The following FRMPD1 variants were observed in gnomAD, a reference collection of about 807,000 sequenced individuals.
The protein encoded by FRMPD1 is FERM and PDZ domain containing 1.
A neutral mutation model predicts 117.8 loss-of-function variants in FRMPD1; 76 were observed. The observed-to-expected ratio is 0.65, with a 90% confidence interval of 0.54 to 0.78. The LOEUF (loss-of-function observed/expected upper bound fraction) is 0.78, where lower values mean the gene tolerates loss of function less well. Among genes scored for constraint, FRMPD1 ranks in the 30% least tolerant of loss-of-function variants. The pLI is 0.00. For synonymous variants in FRMPD1, 783 were observed against 770.4 expected (o/e 1.02, Z -0.27); for missense variants, 1,786 against 1,964.5 (o/e 0.91, Z 1.72).
intron 5 of FRMPD1, among the ~76,000 whole-genome samples, chr9:37,713,069 A>G (rs1366290962): frequency 6.6e-6 from 1 of 151,968 alleles, no homozygotes; most frequent in Non-Finnish European, 1.5e-5. Flanking sequence ...CAGTTATTAT[A>G]TTAATATATA....
intron 7 of FRMPD1, among the ~76,000 whole-genome samples, chr9:37,725,254 A>G (rs749781990): frequency 6.6e-6 from 1 of 152,198 alleles, no homozygotes; most frequent in African/African-American, 2.4e-5. Flanking sequence ...ACAAGGGAGT[A>G]AATAGTGTTA....
intron 1 of FRMPD1, among the ~76,000 whole-genome samples, chr9:37,681,888 A>C (rs527771473): frequency 6.6e-6 from 1 of 152,234 alleles, no homozygotes; most frequent in Non-Finnish European, 1.5e-5. Context: ...ACGAAGTTAG[A>C]AAACACAAGA....
At chr9:37,702,737 TAGG>T (rs1436985901) in intron 2 of FRMPD1, among the ~76,000 whole-genome samples, 4 of 152,144 alleles carry the variant, frequency 2.6e-5, no homozygotes, top group African/African-American at 9.7e-5. Context: ...GGGGAATTAT[TAGG>T]AGGAGAATAA....
At chr9:37,618,011 G>T in the FRMPD1 span, among the ~76,000 whole-genome samples, 1 of 152,170 alleles carries the variant, frequency 6.6e-6, no homozygotes, top group Non-Finnish European at 1.5e-5. Flanking sequence ...AAAGGGTGGG[G>T]CAGCCCCAGC....
At chr9:37,643,463 G>A in the FRMPD1 span, among the ~76,000 whole-genome samples, 3 of 151,922 alleles carry the variant, frequency 2.0e-5, no homozygotes, top group Admixed American at 2.0e-4. Flanking sequence ...GTTTTCAGTG[G>A]TGTTCATTAC....
intron 3 of FRMPD1, among the ~76,000 whole-genome samples, 160 bp from the exon 4 acceptor site, chr9:37,708,239 G>C (rs1822782254): frequency 6.6e-6 from 1 of 152,150 alleles, no homozygotes; most frequent in African/African-American, 2.4e-5. Context: ...TTATAAACAG[G>C]AAAATTAAGA....
At chr9:37,690,852 A>C (rs982488444) in intron 1 of FRMPD1, among the ~76,000 whole-genome samples, 10 of 152,304 alleles carry the variant, frequency 6.6e-5, no homozygotes, top group African/African-American at 2.2e-4. Flanking sequence ...GTATCATCCC[A>C]TGGAAGAAGG....
At chr9:37,717,164 T>A (rs956340443) in intron 5 of FRMPD1, among the ~76,000 whole-genome samples, 22 of 152,140 alleles carry the variant, frequency 1.4e-4, no homozygotes, top group African/African-American at 5.1e-4. Context: ...GGTCTACCAA[T>A]ATGGACTTCT....
the FRMPD1 span, among the ~76,000 whole-genome samples, chr9:37,642,494 T>A: frequency 2.0e-5 from 3 of 152,202 alleles, no homozygotes; most frequent in Non-Finnish European, 2.9e-5. Flanking sequence ...TGGCCTTGGT[T>A]TTCTCATTTA....
intron 1 of FRMPD1, among the ~76,000 whole-genome samples, chr9:37,684,141 G>A (rs1293754247): frequency 2.6e-5 from 4 of 152,232 alleles, no homozygotes; most frequent in African/African-American, 7.2e-5. Context: ...GGGTAGGCAG[G>A]GCCAGATCAC....
Position 37,740,587 on chromosome 9 carries a change from C to T in FRMPD1, c.2059C>T (p.Pro687Ser). 1 of 1,614,190 alleles carries T rather than the reference C, an allele frequency of 6.2e-7. No homozygotes were observed. The highest frequency in any genetic ancestry group is 8.5e-7 in the Non-Finnish European group (1 of 1,180,036). The change falls in exon 15 of 16, where the codon CCA becomes TCA. Residue 687 changes from proline to serine, a missense_variant. Physicochemically the swap from Pro to Ser is moderately conservative, Grantham distance 74. Coordinates refer to ENST00000377765, the MANE Select transcript of FRMPD1 (RefSeq NM_014907.3). This position sits in a 1 kb window ranked among gnomAD's most constrained non-coding sequence, Gnocchi z 4.2. Reference protein sequence around the residue: ...SAALETFGWAPELSTVRLDPR... With the variant: ...SAALETFGWASELSTVRLDPR... ...TGCTTTGGAGACATTTGGCTGGGCA[C>T]CAGAACTGAGCACAGTCAGGCTGGA...
At position 37,708,660 on chromosome 9, in the gene FRMPD1, G is replaced by A. The variant is rs1381606523; in HGVS notation, c.362+159G>A. ...GTTTTAGAGTTCCATCTATTAAAAC[G>A]GCTTCTTGTTAGTGGCTGTTACAGT... On this transcript the variant is annotated intron_variant, in intron 4 of 15. Coordinates refer to ENST00000377765, the MANE Select transcript of FRMPD1 (RefSeq NM_014907.3). Among the ~76,000 whole-genome samples the A allele has an allele frequency of 3.9e-5, 6 of 152,152 alleles. No homozygotes were observed. The East Asian group carries it at 5.8e-4, about 15-fold the overall frequency.
chr9:37,659,915 TAAAAA>T (rs36016239), intron 1 of FRMPD1, among the ~76,000 whole-genome samples: 1 of 103,610 alleles, frequency 9.7e-6, no homozygotes, highest in Non-Finnish European at 2.0e-5. Context: ...TTTCAAGCAC[TAAAAA>T]AAAAAAAAAA....
At chr9:37,635,788 A>G in the FRMPD1 span, among the ~76,000 whole-genome samples, 1 of 152,192 alleles carries the variant, frequency 6.6e-6, no homozygotes, top group African/African-American at 2.4e-5. Flanking sequence ...GATGGAACCC[A>G]CATTCCCCAG....
chr9:37,678,591 CT>C (rs1174415767), intron 1 of FRMPD1, among the ~76,000 whole-genome samples: 6 of 152,042 alleles, frequency 3.9e-5, no homozygotes, highest in Non-Finnish European at 5.9e-5. Context: ...TCTTAATTTC[CT>C]TTTTTGTTCA....
chr9:37,664,295 A>G (rs1330312900), intron 1 of FRMPD1, among the ~76,000 whole-genome samples: 12 of 147,314 alleles, frequency 8.1e-5, no homozygotes, highest in African/African-American at 2.4e-4. Context: ...GTATGTATGT[A>G]TGTATGTATG....
chr9:37,732,247 G>A (rs1438255296), intron 9 of FRMPD1, 57 bp from the exon 10 acceptor site: 44 of 1,586,400 alleles, frequency 2.8e-5, no homozygotes, highest in Non-Finnish European at 3.6e-5. Context: ...CCGAGAGAAC[G>A]AGGGGACACA....
chr9:37,716,808 T>G (rs1378846474), intron 5 of FRMPD1, among the ~76,000 whole-genome samples: 1 of 152,124 alleles, frequency 6.6e-6, no homozygotes, highest in Non-Finnish European at 1.5e-5. Flanking sequence ...CATAGCTATC[T>G]CTGGTCCTTA....
chr9:37,638,941 G>A, the FRMPD1 span, among the ~76,000 whole-genome samples: 329 of 152,210 alleles, frequency 2.2e-3, 1 homozygote, highest in African/African-American at 7.5e-3. Flanking sequence ...CAACTTTCTT[G>A]TTTCGTGGTG....
Sources: gnomAD v4.1 joint callset for allele counts (sites outside exome capture counted in the v4.1 genomes callset) on GRCh38, gnomAD v4.1.1 for gene constraint, Gnocchi (gnomAD v3.1) non-coding constraint, MANE v1.5 for transcripts, NCBI Gene and HGNC (gene_info 2026-07-23, HGNC 2026-07-21) for gene names.